Variants in GNA14 observed in about 807,000 individuals in gnomAD.
The protein encoded by GNA14 is G protein subunit alpha 14.
A neutral mutation model predicts 42.0 loss-of-function variants in GNA14; 50 were observed. The observed-to-expected ratio is 1.19, with a 90% CI of 0.95 to 1.51. The LOEUF is 1.51. Ranked by LOEUF, GNA14 falls within the 40% of genes most tolerant of loss-of-function variation. GNA14 has a pLI of 0.00. For missense variants in GNA14, 473 were observed against 446.2 expected, an observed-to-expected ratio of 1.06 and a Z score of -0.54; for synonymous variants, 173 against 163.1, an observed-to-expected ratio of 1.06 and a Z score of -0.46.
At chr9:77,525,877 C>T (rs1456524475) in intron 2 of GNA14, among the ~76,000 whole-genome samples, 1 of 147,500 alleles carries the variant, frequency 6.8e-6, no homozygotes, top group Admixed American at 6.9e-5. Flanking sequence ...TCACCCATAC[C>T]TAATTTAGAC....
At chr9:77,451,812 G>A (rs2131704444) in intron 2 of GNA14, among the ~76,000 whole-genome samples, 4 of 152,330 alleles carry the variant, frequency 2.6e-5, no homozygotes, top group Admixed American at 2.6e-4. Context: ...GTTGGGGTCA[G>A]TGCAAAGTGT....
At chr9:77,565,552 G>C (rs1006192690) in intron 1 of GNA14, among the ~76,000 whole-genome samples, 10 of 152,094 alleles carry the variant, frequency 6.6e-5, no homozygotes, top group Non-Finnish European at 1.5e-4. Context: ...CTGCCTCCTG[G>C]GTTCAAGTGA....
At chr9:77,635,032 CA>C (rs749850309) in intron 1 of GNA14, among the ~76,000 whole-genome samples, 1 of 152,092 alleles carries the variant, frequency 6.6e-6, no homozygotes, top group Non-Finnish European at 1.5e-5. Flanking sequence ...TCATTTATTT[CA>C]ATAGGTTTTT....
intron 1 of GNA14, among the ~76,000 whole-genome samples, chr9:77,611,232 G>C (rs907026615): frequency 3.3e-5 from 5 of 152,148 alleles, no homozygotes; most frequent in Non-Finnish European, 7.4e-5. Context: ...GCTGGTAGAA[G>C]GCATGAGACA....
chr9:77,635,454 T>G (rs1257625882), intron 1 of GNA14: 1 of 152,222 alleles, frequency 6.6e-6, no homozygotes, highest in South Asian at 2.1e-4. Context: ...TTTTCTAGTC[T>G]AATTTTAGCA....
chr9:77,515,928 C>T (rs1314090090), intron 2 of GNA14, among the ~76,000 whole-genome samples: 1 of 128,320 alleles, frequency 7.8e-6, no homozygotes, highest in African/African-American at 3.0e-5. Context: ...CCACTGCACT[C>T]AACCCAGGCA....
intron 2 of GNA14, among the ~76,000 whole-genome samples, chr9:77,485,260 C>T (rs1836637055): frequency 6.6e-6 from 1 of 152,172 alleles, no homozygotes; most frequent in African/African-American, 2.4e-5. Context: ...TAGTTTCCAT[C>T]TCAAGAAATC....
intron 1 of GNA14, among the ~76,000 whole-genome samples, chr9:77,610,796 C>T (rs1333534495): frequency 1.3e-5 from 2 of 152,068 alleles, no homozygotes; most frequent in African/African-American, 4.8e-5. Flanking sequence ...TCACCTATTG[C>T]AAATATCTGT....
chr9:77,449,747 G>A (rs1835874467), intron 2 of GNA14, among the ~76,000 whole-genome samples: 1 of 152,254 alleles, frequency 6.6e-6, no homozygotes, highest in Non-Finnish European at 1.5e-5. Context: ...GGAAGGGAAT[G>A]TTAGATTCAT....
chr9:77,594,433 C>T (rs773882851), intron 1 of GNA14, among the ~76,000 whole-genome samples: 14 of 152,184 alleles, frequency 9.2e-5, no homozygotes, highest in Admixed American at 3.9e-4. Flanking sequence ...CTGCTGTGGT[C>T]TCCAGCTGGC....
intron 2 of GNA14, among the ~76,000 whole-genome samples, chr9:77,468,037 C>T (rs544664472): frequency 6.6e-6 from 1 of 152,282 alleles, no homozygotes; most frequent in South Asian, 2.1e-4. Context: ...ACTTCCACAA[C>T]TCAGGGCTAG....
intron 1 of GNA14, among the ~76,000 whole-genome samples, chr9:77,530,316 T>A (rs1837508646): frequency 6.6e-6 from 1 of 152,212 alleles, no homozygotes; most frequent in South Asian, 2.1e-4. Context: ...CCTCACTCTC[T>A]CTTGCTCCTG....
At position 77,606,031 on chromosome 9, in the gene GNA14, G is replaced by T. The variant is rs78145838; in HGVS notation, c.124+41639C>A. On this transcript the variant is annotated intron_variant, in intron 1 of 6. Coordinates refer to ENST00000341700, the MANE Select transcript of GNA14 (RefSeq NM_004297.4). ...AATGGAGGGAAAAAACTCAAACAAT[G>T]AAGTGGTTCAGGAAATGTTTACCAG... is the stretch of plus-strand genomic sequence containing the variant. Among the ~76,000 whole-genome samples, 605 of 152,222 alleles carry T rather than the reference G, an allele frequency of 4.0e-3. 6 individuals carry two copies. The highest frequency in any genetic ancestry group is 0.014 in the African/African-American group (587 of 41,540).
At chr9:77,493,930 T>G (rs1836828245) in intron 2 of GNA14, among the ~76,000 whole-genome samples, 1 of 152,130 alleles carries the variant, frequency 6.6e-6, no homozygotes, top group Non-Finnish European at 1.5e-5. Context: ...TTGTTTTTGT[T>G]TTTTGTTTTT....
intron 5 of GNA14, 49 bp downstream of exon 5, chr9:77,428,858 A>C: frequency 6.3e-7 from 1 of 1,592,492 alleles, no homozygotes. Context: ...TAGAAACCAC[A>C]GAATAGGCTC....
At chr9:77,532,840 G>A (rs977102683) in intron 1 of GNA14, among the ~76,000 whole-genome samples, 4 of 152,114 alleles carry the variant, frequency 2.6e-5, no homozygotes, top group Admixed American at 1.3e-4. Context: ...GCTACACACA[G>A]TGAAGACAAC....
chr9:77,536,122 A>T (rs1316520657), intron 1 of GNA14, among the ~76,000 whole-genome samples: 3 of 152,134 alleles, frequency 2.0e-5, no homozygotes, highest in Non-Finnish European at 2.9e-5. Flanking sequence ...TTTTCACCAT[A>T]AAAGGAGAAG....
rs933522443 is a variant in GNA14 at position 77,584,140 on chromosome 9, A to G, written c.125-54887T>C. On this transcript the variant is annotated intron_variant, in intron 1 of 6. Coordinates refer to ENST00000341700, the MANE Select transcript of GNA14 (RefSeq NM_004297.4). ...GCAGTGGACTCACTTGTTCATTCCC[A>G]TTCAGTTTACTGCCTAAACAGTGCC... is the stretch of plus-strand genomic sequence containing the variant. Among the ~76,000 whole-genome samples the G allele has an allele frequency of 3.9e-5, 6 of 152,266 alleles. No individual in the cohort carries two copies. The South Asian group carries it at 1.2e-3, about 32-fold the overall frequency.
chr9:77,566,134 T>C (rs1168010761), intron 1 of GNA14, among the ~76,000 whole-genome samples: 2 of 143,480 alleles, frequency 1.4e-5, no homozygotes, highest in Non-Finnish European at 3.0e-5. Context: ...TGTCCACAAG[T>C]GGGAGTGCTT....
Sources: allele counts gnomAD v4.1 joint callset (sites outside exome capture counted in the v4.1 genomes callset), GRCh38; gene constraint gnomAD v4.1.1; transcripts MANE v1.5; gene names NCBI Gene and HGNC (gene_info 2026-07-23, HGNC 2026-07-21).